Variants in DPYSL2 observed in about 807,000 individuals in gnomAD.
DPYSL2 encodes the protein dihydropyrimidinase like 2.
Under a neutral mutation model 69.9 loss-of-function variants are expected in DPYSL2, and 13 were observed. That is an observed-to-expected ratio of 0.19 (90% CI 0.12 to 0.30). The LOEUF (loss-of-function observed/expected upper bound fraction) is 0.30, where lower values mean the gene tolerates loss of function less well. Ranked by LOEUF, DPYSL2 falls within the 10% of genes least tolerant of loss-of-function variation. The probability of loss-of-function intolerance (pLI) is 1.00; values close to 1 mark genes in which losing one functional copy is unlikely to be tolerated. For missense variants in DPYSL2, 587 were observed against 918.9 expected, an observed-to-expected ratio of 0.64 and a Z score of 4.67; for synonymous variants, 326 against 359.1, an observed-to-expected ratio of 0.91 and a Z score of 1.04.
chr8:26,576,186 T>C (rs1002869901), intron 1 of DPYSL2, among the ~76,000 whole-genome samples: 2 of 152,150 alleles, frequency 1.3e-5, no homozygotes, highest in African/African-American at 4.8e-5. Context: ...TTTAGAGATA[T>C]AGGAGTGAAA....
rs1203709056 is a variant in DPYSL2 at position 26,588,108 on chromosome 8, A to C, written c.628+4125A>C. On this transcript the variant is annotated intron_variant, in intron 3 of 13. Transcript: ENST00000521913. The surrounding 1 kb of genome is among the most constrained non-coding windows in gnomAD (Gnocchi z 5.4). ...TCACAACAGCATCTGCCCAGTAGTG[A>C]GCACTCCCATGTGGTAGCTATTGTC... 1.3e-5 allele frequency among the ~76,000 whole-genome samples: 2 copies of C among 152,144 alleles called. No homozygotes were observed. The highest frequency in any genetic ancestry group is 1.5e-5 in the Non-Finnish European group (1 of 68,024).
At chr8:26,638,173 C>T (rs1356526697) in intron 8 of DPYSL2, among the ~76,000 whole-genome samples, 1 of 152,192 alleles carries the variant, frequency 6.6e-6, no homozygotes, top group East Asian at 1.9e-4. Context: ...ATGGTCCCAA[C>T]CACAGTTAGC....
chr8:26,620,798 A>G lies in DPYSL2; in HGVS notation c.629-3345A>G, dbSNP rs1311420903. Among the ~76,000 whole-genome samples, 1 of 152,146 alleles carries G rather than the reference A, an allele frequency of 6.6e-6. No individual in the cohort carries two copies. The highest frequency in any genetic ancestry group is 2.4e-5 in the African/African-American group (1 of 41,428). The stretch of plus-strand genomic sequence containing the variant: ...GTTTTTTTAATCTTAAAGGAAATAG[A>G]TATGTTAAACCTATCAGGCTTCCTT... On this transcript the variant is annotated intron_variant, in intron 3 of 13. Transcript: ENST00000521913. The surrounding 1 kb of genome is among the most constrained non-coding windows in gnomAD (Gnocchi z 4.5).
intron 3 of DPYSL2, among the ~76,000 whole-genome samples, chr8:26,618,040 G>A (rs1365823071): frequency 1.3e-5 from 2 of 152,080 alleles, no homozygotes; most frequent in Admixed American, 6.6e-5. Context: ...AAAACAGTAG[G>A]GTCCTTTGAT....
intron 1 of DPYSL2, among the ~76,000 whole-genome samples, chr8:26,556,176 G>GTA (rs71907795): frequency 0.018 from 62 of 3,368 alleles, 7 homozygotes; most frequent in East Asian, 0.083. Flanking sequence ...ACTATATATA[G>GTA]TATATACTAT....
At chr8:26,616,687 G>A (rs1369955028) in intron 3 of DPYSL2, among the ~76,000 whole-genome samples, 2 of 152,344 alleles carry the variant, frequency 1.3e-5, no homozygotes, top group South Asian at 2.1e-4. Flanking sequence ...CAAGGGGCTG[G>A]CGGGTACCCG....
chr8:26,582,133 C>A lies in DPYSL2; in HGVS notation c.443+76C>A. 8.5e-7 allele frequency: 1 copy of A among 1,182,882 alleles called. No homozygotes were observed. Among genetic ancestry groups the A allele is most frequent in the Non-Finnish European group, 1.2e-6 (1 of 807,076 alleles). The allele number at this position is 1,182,882 out of a possible 1,614,324, so 73.3% of individuals were successfully genotyped here. On this transcript the variant is annotated intron_variant, in intron 2 of 13. Transcript: ENST00000521913. The surrounding 1 kb of genome is among the most constrained non-coding windows in gnomAD (Gnocchi z 4.1). The stretch of plus-strand genomic sequence containing the variant: ...CCAAGTATTAGATACCATTCGCATC[C>A]AAAGTATCAAACTTCAGGAACATCA...
rs542890092 is a variant in DPYSL2, at chr8:26,575,792, A to G, written c.355-6177A>G. ...GGAATACAACAAGAATACAAACAAT[A>G]TAATTATAGGTTACTTTGTTTTAAA... is the stretch of plus-strand genomic sequence containing the variant. On this transcript the variant is annotated intron_variant, in intron 1 of 13. Transcript: ENST00000521913. Among the ~76,000 whole-genome samples the G allele has an allele frequency of 9.8e-5, 15 of 152,322 alleles. 1 individual carries two copies. The South Asian group carries it at 3.1e-3, about 32-fold the overall frequency.
chr8:26,644,150 G>T lies in DPYSL2; in HGVS notation c.1425+59G>T. The T allele has an allele frequency of 1.3e-6, 2 of 1,576,070 alleles. No homozygotes were observed. Among genetic ancestry groups the T allele is most frequent in the Non-Finnish European group, 1.7e-6 (2 of 1,159,304 alleles). On this transcript the variant is annotated intron_variant, in intron 10 of 13. Coordinates refer to ENST00000521913, the MANE Select transcript of DPYSL2 (RefSeq NM_001197293.3). The surrounding 1 kb of genome is among the most constrained non-coding windows in gnomAD (Gnocchi z 4.5). The stretch of plus-strand genomic sequence containing the variant: ...TCAGCCTTCCTTGTCCTCCTCATCT[G>T]GGGGCCATGGGGCTCATGGAGGCCT...
chr8:26,600,470 C>T (rs557200264), intron 3 of DPYSL2, among the ~76,000 whole-genome samples: 4 of 152,256 alleles, frequency 2.6e-5, no homozygotes, highest in East Asian at 3.9e-4. Flanking sequence ...TATTGTCTGT[C>T]GTTTTGATTA....
intron 1 of DPYSL2, among the ~76,000 whole-genome samples, chr8:26,551,858 G>C (rs1800879597): frequency 6.6e-6 from 1 of 152,076 alleles, no homozygotes; most frequent in Admixed American, 6.6e-5. Flanking sequence ...CTATCTCTCA[G>C]GCTGGAGTGT....
At chr8:26,529,458 A>G (rs1800459926) in intron 1 of DPYSL2, among the ~76,000 whole-genome samples, 1 of 151,968 alleles carries the variant, frequency 6.6e-6, no homozygotes, top group Non-Finnish European at 1.5e-5. Context: ...CTGGGACTAT[A>G]GGTGTGTACC....
At chr8:26,529,236 C>A (rs1446691063) in intron 1 of DPYSL2, among the ~76,000 whole-genome samples, 2 of 82,800 alleles carry the variant, frequency 2.4e-5, no homozygotes, top group African/African-American at 3.5e-5. Flanking sequence ...AAATTTAAAT[C>A]TATCTATCTA....
chr8:26,529,114 C>A lies in DPYSL2; in HGVS notation c.354+14435C>A, dbSNP rs1352086287. On this transcript the variant is annotated intron_variant, in intron 1 of 13. Transcript: ENST00000521913. ...CAGTCTCTCCAGGATCGGCAAGGCC[C>A]CAGATGGCAAAGCATCAGAAAAACA... Among the ~76,000 whole-genome samples the A allele has an allele frequency of 1.3e-5, 2 of 152,034 alleles. 1 individual carries two copies. The highest frequency in any genetic ancestry group is 1.3e-4 in the Admixed American group (2 of 15,256).
At chr8:26,518,496 A>G (rs2117596333) in intron 1 of DPYSL2, among the ~76,000 whole-genome samples, 1 of 152,342 alleles carries the variant, frequency 6.6e-6, no homozygotes, top group African/African-American at 2.4e-5. Flanking sequence ...CCCATTTTTA[A>G]GTGCAGCTCA....
At chr8:26,515,596 T>G (rs1395828896) in intron 1 of DPYSL2, among the ~76,000 whole-genome samples, 1 of 152,236 alleles carries the variant, frequency 6.6e-6, no homozygotes, top group African/African-American at 2.4e-5. Flanking sequence ...CTGACAAATA[T>G]GAACAGTGAG....
At chr8:26,595,389 A>G (rs2129790852) in intron 3 of DPYSL2, among the ~76,000 whole-genome samples, 1 of 152,222 alleles carries the variant, frequency 6.6e-6, no homozygotes, top group Non-Finnish European at 1.5e-5. Flanking sequence ...CTGCAGATGT[A>G]AAGCAGTGTT....
rs1294557233 is a variant in DPYSL2, at chr8:26,652,016, A to G, written c.1597-241A>G. Among the ~76,000 whole-genome samples the G allele has an allele frequency of 2.0e-5, 3 of 152,200 alleles. No individual in the cohort carries two copies. The highest frequency in any genetic ancestry group is 4.4e-5 in the Non-Finnish European group (3 of 68,034). On this transcript the variant is annotated intron_variant, in intron 11 of 13. Transcript: ENST00000521913. This position sits in a 1 kb window ranked among gnomAD's most constrained non-coding sequence, Gnocchi z 6.3. ...ATTTACAAACATGCACCCTTTTCAC[A>G]CAATTATTCTGTTTAATTATTTTTC...
Position 26,640,402 on chromosome 8 carries a change from G to C in DPYSL2, c.1127-3037G>C, listed in dbSNP as rs764028435. On this transcript the variant is annotated intron_variant, in intron 8 of 13. Transcript: ENST00000521913. This position sits in a 1 kb window ranked among gnomAD's most constrained non-coding sequence, Gnocchi z 4.2. ...CCAGATAGCATCAGCAGTGTATTTA[G>C]AGAAGTGCAGAAGGGCCAATTAAGC... Among the ~76,000 whole-genome samples the C allele has an allele frequency of 6.6e-6, 1 of 152,224 alleles. No individual in the cohort carries two copies. The highest frequency in any genetic ancestry group is 2.4e-5 in the African/African-American group (1 of 41,450).
Sources: gnomAD v4.1 joint callset for allele counts (sites outside exome capture counted in the v4.1 genomes callset) on GRCh38, gnomAD v4.1.1 for gene constraint, Gnocchi (gnomAD v3.1) non-coding constraint, MANE v1.5 for transcripts, NCBI Gene and HGNC (gene_info 2026-07-23, HGNC 2026-07-21) for gene names.